The following ATP2B2 variants were observed in gnomAD, a reference collection of about 807,000 sequenced individuals.
ATP2B2 encodes the protein ATPase plasma membrane Ca2+ transporting 2.
In ATP2B2, 15 loss-of-function variants were observed where a neutral mutation model predicts 120.0. The ratio of observed to expected loss-of-function variants is 0.12; its 90% CI spans 0.08 to 0.19. The LOEUF is 0.19. Ranked by LOEUF, ATP2B2 falls within the 10% of genes least tolerant of loss-of-function variation. The pLI, the probability that ATP2B2 is intolerant of heterozygous loss-of-function variation, is 1.00. For missense variants in ATP2B2, 1,045 were observed against 1,719.8 expected, an observed-to-expected ratio of 0.61 and a Z score of 6.94; for synonymous variants, 694 against 700.3, an observed-to-expected ratio of 0.99 and a Z score of 0.14.
chr3:10,435,173 G>A (rs1334934809), intron 2 of ATP2B2, among the ~76,000 whole-genome samples: 1 of 152,168 alleles, frequency 6.6e-6, no homozygotes, highest in African/African-American at 2.4e-5. Context: ...CATCTCCCAC[G>A]TCAGGGCCTG....
At chr3:10,427,837 C>T (rs144738286) in intron 2 of ATP2B2, among the ~76,000 whole-genome samples, 73 of 152,324 alleles carry the variant, frequency 4.8e-4, no homozygotes, top group Non-Finnish European at 9.7e-4. Context: ...CCTTCTCTCT[C>T]GTGGTGCCTA....
At chr3:10,381,005 G>A (rs2061516001) in intron 8 of ATP2B2, among the ~76,000 whole-genome samples, 1 of 152,220 alleles carries the variant, frequency 6.6e-6, no homozygotes, top group Non-Finnish European at 1.5e-5. Context: ...GCCAAGGGAA[G>A]TTCAGAGGCA....
At chr3:10,706,260 G>A (rs2071894603) in intron 1 of ATP2B2, among the ~76,000 whole-genome samples, 1 of 152,204 alleles carries the variant, frequency 6.6e-6, no homozygotes, top group Admixed American at 6.5e-5. Context: ...TACCCCTGGG[G>A]GAAGGAATGA....
intron 1 of ATP2B2, among the ~76,000 whole-genome samples, chr3:10,702,647 C>G (rs981296019): frequency 1.4e-4 from 22 of 152,186 alleles, no homozygotes; most frequent in African/African-American, 5.1e-4. Context: ...CTTGCACGGT[C>G]ATTCACTTGG....
At chr3:10,501,971 G>T (rs768846792) in intron 1 of ATP2B2, among the ~76,000 whole-genome samples, 34 of 152,174 alleles carry the variant, frequency 2.2e-4, no homozygotes, top group Non-Finnish European at 3.8e-4. Context: ...CCAGAAATCT[G>T]CCCCCATCAG....
intron 1 of ATP2B2, among the ~76,000 whole-genome samples, chr3:10,652,344 T>C (rs1416326255): frequency 6.6e-6 from 1 of 152,090 alleles, no homozygotes; most frequent in African/African-American, 2.4e-5. Context: ...GAAAATAAAA[T>C]GATGGGCAGT....
intron 2 of ATP2B2, among the ~76,000 whole-genome samples, chr3:10,425,537 T>C (rs1051817764): frequency 6.6e-6 from 1 of 152,148 alleles, no homozygotes. Context: ...CTGTGGTTCC[T>C]AACCCACGGC....
chr3:10,444,715 A>T (rs1211256674), intron 2 of ATP2B2, among the ~76,000 whole-genome samples: 1 of 152,188 alleles, frequency 6.6e-6, no homozygotes, highest in East Asian at 1.9e-4. Flanking sequence ...GGTGTCAGGA[A>T]GTGAGCAATG....
At chr3:10,445,326 G>T (rs898794347) in intron 2 of ATP2B2, among the ~76,000 whole-genome samples, 5 of 144,716 alleles carry the variant, frequency 3.5e-5, no homozygotes, top group South Asian at 2.1e-4. Context: ...TGAAGAGAAA[G>T]ACACTCAGGA....
At chr3:10,667,283 T>A (rs2070966099) in intron 1 of ATP2B2, among the ~76,000 whole-genome samples, 1 of 152,186 alleles carries the variant, frequency 6.6e-6, no homozygotes, top group Admixed American at 6.5e-5. Context: ...TGGCTCAAAG[T>A]CATCCAGCTG....
chr3:10,704,594 A>G (rs1482003000), intron 1 of ATP2B2, among the ~76,000 whole-genome samples: 1 of 152,144 alleles, frequency 6.6e-6, no homozygotes, highest in African/African-American at 2.4e-5. Context: ...TTCCCGTCCA[A>G]TTCTCTTCTG....
At chr3:10,686,450 C>T (rs867959570) in intron 1 of ATP2B2, among the ~76,000 whole-genome samples, 12 of 152,134 alleles carry the variant, frequency 7.9e-5, no homozygotes, top group Middle Eastern at 3.4e-3. Flanking sequence ...GTCAGGAGAT[C>T]GAGACCATCC....
intron 2 of ATP2B2, among the ~76,000 whole-genome samples, chr3:10,575,575 G>A (rs1287166232): frequency 6.6e-6 from 1 of 152,220 alleles, no homozygotes; most frequent in African/African-American, 2.4e-5. Context: ...AGCTATGGAA[G>A]GCTCTTGAGC....
At chr3:10,416,526 C>A (rs1238889982) in intron 2 of ATP2B2, among the ~76,000 whole-genome samples, 1 of 152,210 alleles carries the variant, frequency 6.6e-6, no homozygotes, top group Admixed American at 6.5e-5. Context: ...ATCTTGACAT[C>A]TAGCTCACCA....
chr3:10,671,317 G>A (rs1164049210), intron 1 of ATP2B2, among the ~76,000 whole-genome samples: 2 of 152,180 alleles, frequency 1.3e-5, no homozygotes, highest in African/African-American at 4.8e-5. Flanking sequence ...TCTGTGGTTT[G>A]GGGCCCTCTC....
At chr3:10,512,498 ACACACACACACAC>A (rs2066791203) in intron 3 of ATP2B2, among the ~76,000 whole-genome samples, 1 of 151,756 alleles carries the variant, frequency 6.6e-6, no homozygotes, top group Non-Finnish European at 1.5e-5. Flanking sequence ...ACACACACAC[ACACACACACACAC>A]ACACACTGTC....
intron 1 of ATP2B2, among the ~76,000 whole-genome samples, chr3:10,630,794 T>C (rs1053706127): frequency 6.1e-5 from 9 of 147,270 alleles, no homozygotes; most frequent in African/African-American, 2.3e-4. Context: ...AGGTAGGTAG[T>C]GCTATTAGCC....
intron 2 of ATP2B2, among the ~76,000 whole-genome samples, chr3:10,542,875 G>GT (rs1195325195): frequency 2.0e-5 from 3 of 152,130 alleles, no homozygotes. Flanking sequence ...TGGTTTGTGT[G>GT]TTTTTACCAA....
intron 1 of ATP2B2, among the ~76,000 whole-genome samples, chr3:10,464,250 A>G (rs2064634644): frequency 6.6e-6 from 1 of 152,128 alleles, no homozygotes; most frequent in East Asian, 1.9e-4. Flanking sequence ...TCCTCGCGAC[A>G]GAAGGGGGTG....
Sources: allele counts gnomAD v4.1 joint callset (sites outside exome capture counted in the v4.1 genomes callset), GRCh38; gene constraint gnomAD v4.1.1; transcripts MANE v1.5; gene names NCBI Gene and HGNC (gene_info 2026-07-23, HGNC 2026-07-21).